The following PIP4P1 variants were observed in gnomAD, a reference collection of about 807,000 sequenced individuals.
PIP4P1 encodes the protein phosphatidylinositol-4,5-bisphosphate 4-phosphatase 1, also known as type 1 phosphatidylinositol 4,5-bisphosphate 4-phosphatase.
Under a neutral mutation model 32.3 loss-of-function variants are expected in PIP4P1, and 14 were observed. The ratio of observed to expected loss-of-function variants is 0.43; its 90% confidence interval spans 0.29 to 0.68. The LOEUF (loss-of-function observed/expected upper bound fraction) is 0.68, where lower values mean the gene tolerates loss of function less well. Among genes scored for constraint, PIP4P1 ranks in the 30% least tolerant of loss-of-function variants. The pLI is 0.15. For synonymous variants in PIP4P1, 132 were observed against 137.9 expected (o/e 0.96, Z 0.30); for missense variants, 289 against 364.5 (o/e 0.79, Z 1.69).
rs373945125 is a variant in PIP4P1 at position 20,458,548 on chromosome 14, G to T, written c.*11C>A. ...AGGGAGGGGCCAGGCACAGTCTGTGGGTCATCAGGCTCAGGAGAAGTTCTG... is the reference window on the plus strand; with the variant it reads ...AGGGAGGGGCCAGGCACAGTCTGTGTGTCATCAGGCTCAGGAGAAGTTCTG... On this transcript the variant is annotated 3_prime_UTR_variant, in exon 7 of 7. Coordinates refer to ENST00000250489, the MANE Select transcript of PIP4P1 (RefSeq NM_144568.4). The T allele has an allele frequency of 1.4e-5, 23 of 1,612,584 alleles. No individual in the cohort carries two copies. The highest frequency in any genetic ancestry group is 1.9e-5 in the Non-Finnish European group (22 of 1,179,230).
At chr14:20,460,873 G>A in intron 1 of PIP4P1, 28 bp from the exon 2 acceptor site, 1 of 1,530,044 alleles carries the variant, frequency 6.5e-7, no homozygotes, top group Non-Finnish European at 8.8e-7. Flanking sequence ...AGAAGGGCTG[G>A]GATCACTTAC....
Position 20,457,924 on chromosome 14 carries a change from AC to A in PIP4P1, c.*634del. The A allele has an allele frequency of 3.1e-6, 1 of 325,912 alleles. No individual in the cohort carries two copies. Among genetic ancestry groups the A allele is most frequent in the South Asian group, 2.7e-5 (1 of 37,630 alleles). The allele number at this position is 325,912 out of a possible 1,614,324, so 20.2% of individuals were successfully genotyped here. A position where few individuals can be genotyped will look rare whatever the true frequency, so the allele number is the denominator to read the frequency against. On this transcript the variant is annotated 3_prime_UTR_variant, in exon 7 of 7. Coordinates refer to ENST00000250489, the MANE Select transcript of PIP4P1 (RefSeq NM_144568.4). ...CCTAACCTCCCCCAAAGACTGAGCA[AC>A]CCTACCCAGCCCAGTTAAATACTGC...
chr14:20,459,470 A>T, intron 4 of PIP4P1, 30 bp from the exon 5 acceptor site: 2 of 1,613,808 alleles, frequency 1.2e-6, no homozygotes, highest in Non-Finnish European at 1.7e-6. Flanking sequence ...AAATAATAGC[A>T]CAAGCAGGGT....
chr14:20,459,504 TG>T, intron 4 of PIP4P1, 64 bp from the exon 5 acceptor site: 2 of 1,602,968 alleles, frequency 1.2e-6, no homozygotes, highest in Non-Finnish European at 1.7e-6. Flanking sequence ...AACCTTGGGG[TG>T]GGGATGCAGA....
chr14:20,461,298 G>A lies in PIP4P1; in HGVS notation c.28C>T (p.Leu10=). 1 of 1,291,522 alleles carries A rather than the reference G, an allele frequency of 7.7e-7. No homozygotes were observed. The highest frequency in any genetic ancestry group is 3.4e-5 in the South Asian group (1 of 29,458). 80.0% of individuals were successfully genotyped at this position (1,291,522 alleles called of 1,614,324 possible). ...CCACCGTCGATGGGCTCAGACAGCA[G>A]CGGGGAACGCTCTCCATCTGCCGCC... The part of the protein sequence containing the change: MAADGERSP[L]LSEPIDGGAG... Residue 10 remains leucine, a synonymous_variant, in exon 1 of 7, where the codon CTG becomes TTG. Transcript: ENST00000250489.
intron 6 of PIP4P1, 38 bp downstream of exon 6, chr14:20,459,168 G>C (rs940462094): frequency 6.2e-7 from 1 of 1,602,988 alleles, no homozygotes. Flanking sequence ...ATGGAGATGA[G>C]GCTGCAGAAT....
In PIP4P1 at chr14:20,457,708, C is replaced by G; in HGVS notation, c.*851G>C. The G allele has an allele frequency of 2.9e-6, 2 of 680,558 alleles. No homozygotes were observed. The highest frequency in any genetic ancestry group is 4.9e-6 in the Non-Finnish European group (2 of 409,264). 42.2% of individuals were successfully genotyped at this position (680,558 alleles called of 1,614,324 possible). A position where few individuals can be genotyped will look rare whatever the true frequency, so the allele number is the denominator to read the frequency against. ...TTTTGTTTTTTAAAAAAAAATTGAA[C>G]AAAGACTACTAATGACTTTGTTTGA... On this transcript the variant is annotated 3_prime_UTR_variant, in exon 7 of 7. Transcript: ENST00000250489.
At position 20,457,908 on chromosome 14, in the gene PIP4P1, C is replaced by T. The variant is rs1881490020; in HGVS notation, c.*651G>A. ...AAGCACAGGATAAGTCCCTAACCTC[C>T]CCCAAAGACTGAGCAACCCTACCCA... On this transcript the variant is annotated 3_prime_UTR_variant, in exon 7 of 7. Transcript: ENST00000250489. The T allele has an allele frequency of 3.0e-6, 1 of 329,048 alleles. No homozygotes were observed. The highest frequency in any genetic ancestry group is 4.4e-5 in the Admixed American group (1 of 22,758). The allele number at this position is 329,048 out of a possible 1,614,324, so 20.4% of individuals were successfully genotyped here. A position where few individuals can be genotyped will look rare whatever the true frequency, so the allele number is the denominator to read the frequency against.
chr14:20,458,527 A>C lies in PIP4P1; in HGVS notation c.*32T>G, dbSNP rs1881554280. 1.2e-6 allele frequency: 2 copies of C among 1,608,344 alleles called. No homozygotes were observed. The highest frequency in any genetic ancestry group is 1.1e-5 in the South Asian group (1 of 90,494). Reference sequence around the variant, plus strand: ...CGTAGTGTCACTGTCCCCACCAGGGAGGGGCCAGGCACAGTCTGTGGGTCA... The same window carrying C: ...CGTAGTGTCACTGTCCCCACCAGGGCGGGGCCAGGCACAGTCTGTGGGTCA... On this transcript the variant is annotated 3_prime_UTR_variant, in exon 7 of 7. Coordinates refer to ENST00000250489, the MANE Select transcript of PIP4P1 (RefSeq NM_144568.4).
At chr14:20,460,595 C>T (rs751371139) in intron 2 of PIP4P1, 60 bp downstream of exon 2, 110 of 1,576,198 alleles carry the variant, frequency 7.0e-5, no homozygotes, top group Non-Finnish European at 8.5e-5. Flanking sequence ...GGTCTAGAAC[C>T]AAGACATCAG....
chr14:20,458,028 G>A lies in PIP4P1; in HGVS notation c.*531C>T, dbSNP rs534666352. On this transcript the variant is annotated 3_prime_UTR_variant, in exon 7 of 7. Transcript: ENST00000250489. ...AGGGGAACATATCCCACATTAAATA[G>A]TTATATACACATCAGTTCCTGTGGT... 4 of 335,258 alleles carry A rather than the reference G, an allele frequency of 1.2e-5. No individual in the cohort carries two copies. The East Asian group carries it at 2.3e-4, about 19-fold the overall frequency. The allele number at this position is 335,258 out of a possible 1,614,324, so 20.8% of individuals were successfully genotyped here.
At position 20,458,507 on chromosome 14, in the gene PIP4P1, T is replaced by G. The variant is rs1027268753; in HGVS notation, c.*52A>C. The G allele has an allele frequency of 2.5e-6, 4 of 1,605,040 alleles. No individual in the cohort carries two copies. In the Admixed American group the frequency reaches 5.1e-5, roughly 20 times the overall value. ...TTAACTACCCCAGCTCCCTTCGTAG[T>G]GTCACTGTCCCCACCAGGGAGGGGC... On this transcript the variant is annotated 3_prime_UTR_variant, in exon 7 of 7. Transcript: ENST00000250489.
chr14:20,458,853 G>T, intron 6 of PIP4P1, 151 bp from the exon 7 acceptor site: 1 of 926,920 alleles, frequency 1.1e-6, no homozygotes, highest in Non-Finnish European at 1.6e-6. Flanking sequence ...CTTAAAGGCA[G>T]AGCTGATCAG....
chr14:20,459,351 C>A, intron 5 of PIP4P1, 37 bp downstream of exon 5: 1 of 1,614,174 alleles, frequency 6.2e-7, no homozygotes, highest in Non-Finnish European at 8.5e-7. Flanking sequence ...GTTTTTACTC[C>A]ATACATCAAT....
chr14:20,460,288 T>C lies in PIP4P1; in HGVS notation c.344A>G (p.Asn115Ser). Residue 115 changes from asparagine (N) to serine (S), a missense_variant, in exon 3 of 7, where the codon AAT (asparagine) becomes AGT (serine). Asn to Ser is a conservative substitution (Grantham distance 46). Coordinates refer to ENST00000250489, the MANE Select transcript of PIP4P1 (RefSeq NM_144568.4). Reference sequence around the variant, plus strand: ...AACATATTTTTTCCCTGGGGGTGCATTCTTGATTGGCTAGAGAATAATAGG... The same window carrying C: ...AACATATTTTTTCCCTGGGGGTGCACTCTTGATTGGCTAGAGAATAATAGG... ...GVCNEATPIK[N>S]APPGKKYVRC... is the part of the protein sequence containing the mutation. The C allele has an allele frequency of 1.2e-6, 2 of 1,613,672 alleles. No individual in the cohort carries two copies. Among genetic ancestry groups the C allele is most frequent in the Non-Finnish European group, 1.7e-6 (2 of 1,179,638 alleles).
chr14:20,458,137 C>A lies in PIP4P1; in HGVS notation c.*422G>T. 1.3e-5 allele frequency: 5 copies of A among 371,816 alleles called. No individual in the cohort carries two copies. The highest frequency in any genetic ancestry group is 1.0e-4 in the South Asian group (5 of 49,340). 23.0% of individuals were successfully genotyped at this position (371,816 alleles called of 1,614,324 possible). A position where few individuals can be genotyped will look rare whatever the true frequency, so the allele number is the denominator to read the frequency against. ...TGAGGGTACTGAGGCCAGAGCCAAC[C>A]TCTGGTGAAGTGCAATAGCAGCAGC... On this transcript the variant is annotated 3_prime_UTR_variant, in exon 7 of 7. Coordinates refer to ENST00000250489, the MANE Select transcript of PIP4P1 (RefSeq NM_144568.4).
chr14:20,461,415 A>G lies in PIP4P1; in HGVS notation c.-90T>C, dbSNP rs1188565170. On this transcript the variant is annotated 5_prime_UTR_variant, in exon 1 of 7. Coordinates refer to ENST00000250489, the MANE Select transcript of PIP4P1 (RefSeq NM_144568.4). ...AGCCACCGCCACCGCCGCCACCGCC[A>G]CCGCCGCTACCGGGTCCCCAGGGCG... is the stretch of plus-strand genomic sequence containing the variant. 1 of 1,201,348 alleles carries G rather than the reference A, an allele frequency of 8.3e-7. No homozygotes were observed. Among genetic ancestry groups the G allele is most frequent in the Non-Finnish European group, 1.0e-6 (1 of 960,552 alleles). 74.4% of individuals were successfully genotyped at this position (1,201,348 alleles called of 1,614,324 possible). A position where few individuals can be genotyped will look rare whatever the true frequency, so the allele number is the denominator to read the frequency against.
chr14:20,459,768 T>G (rs939994940), intron 3 of PIP4P1, 35 bp from the exon 4 acceptor site: 6 of 1,579,082 alleles, frequency 3.8e-6, no homozygotes, highest in Non-Finnish European at 5.2e-6. Context: ...TTTTCAAACT[T>G]GTGTTTGAAA....
rs975518829 is a variant in PIP4P1 at position 20,458,076 on chromosome 14, C to T, written c.*483G>A. The stretch of plus-strand genomic sequence containing the variant: ...GGTTCTGTACAGAGCAGCGGCTGAC[C>T]CCACCCCCACAGGACACAATGTGGG... On this transcript the variant is annotated 3_prime_UTR_variant, in exon 7 of 7. Transcript: ENST00000250489. 2 of 352,902 alleles carry T rather than the reference C, an allele frequency of 5.7e-6. No individual in the cohort carries two copies. Among genetic ancestry groups the T allele is most frequent in the Admixed American group, 7.7e-5 (2 of 25,874 alleles). The allele number at this position is 352,902 out of a possible 1,614,324, so 21.9% of individuals were successfully genotyped here.
Sources: allele counts gnomAD v4.1 joint callset, GRCh38; gene constraint gnomAD v4.1.1; transcripts MANE v1.5; gene names NCBI Gene and HGNC (gene_info 2026-07-23, HGNC 2026-07-21).